DOCK3: variants seen among roughly 807,000 people sequenced by gnomAD.
The protein encoded by DOCK3 is dedicator of cytokinesis 3, also known as dedicator of cytokinesis protein 3.
In DOCK3, 60 loss-of-function variants were observed where a neutral mutation model predicts 265.6. The observed-to-expected ratio is 0.23, with a 90% CI of 0.18 to 0.28. The LOEUF (loss-of-function observed/expected upper bound fraction) is 0.28, where lower values mean the gene tolerates loss of function less well. Among genes scored for constraint, DOCK3 ranks in the 10% least tolerant of loss-of-function variants. The pLI is 1.00. For synonymous variants in DOCK3, 881 were observed against 938.0 expected (o/e 0.94, Z 1.11); for missense variants, 1,981 against 2,594.3 (o/e 0.76, Z 5.14).
intron 9 of DOCK3, among the ~76,000 whole-genome samples, chr3:51,129,085 GCTT>G (rs1308874587): frequency 4.6e-5 from 7 of 152,120 alleles, no homozygotes; most frequent in Non-Finnish European, 1.0e-4. Context: ...TTCCAATCAT[GCTT>G]CTTCCAAGTC....
intron 27 of DOCK3, among the ~76,000 whole-genome samples, chr3:51,292,682 A>C (rs2081852786): frequency 6.6e-6 from 1 of 152,114 alleles, no homozygotes; most frequent in South Asian, 2.1e-4. Flanking sequence ...AGGGGTTAAA[A>C]AATTTTTTTT....
At chr3:51,012,525 A>C (rs896659652) in intron 5 of DOCK3, among the ~76,000 whole-genome samples, 2 of 151,978 alleles carry the variant, frequency 1.3e-5, no homozygotes, top group Non-Finnish European at 2.9e-5. Context: ...GAGTGACCCA[A>C]TTTTCCAGGT....
At chr3:50,703,830 TC>T (rs1211088042) in intron 1 of DOCK3, among the ~76,000 whole-genome samples, 1 of 82,734 alleles carries the variant, frequency 1.2e-5, no homozygotes, top group African/African-American at 3.6e-5. Flanking sequence ...ATTGTTTTTT[TC>T]ATCTGTAATT....
chr3:51,246,943 A>C, intron 22 of DOCK3, 136 bp downstream of exon 22: 1 of 844,018 alleles, frequency 1.2e-6, no homozygotes, highest in South Asian at 1.8e-5. Context: ...GTCTTGATCC[A>C]CATAATTTCT....
At chr3:51,055,815 G>C (rs2081180370) in intron 5 of DOCK3, among the ~76,000 whole-genome samples, 1 of 152,112 alleles carries the variant, frequency 6.6e-6, no homozygotes, top group South Asian at 2.1e-4. Flanking sequence ...CTGCTCTGTG[G>C]AATAGAAAGA....
intron 51 of DOCK3, 114 bp from the exon 52 acceptor site, chr3:51,380,011 G>T: frequency 1.1e-6 from 1 of 917,622 alleles, no homozygotes. Flanking sequence ...CCTCAATGCT[G>T]AGGGGTCCCC....
rs1408097872 is a variant in DOCK3, at chr3:50,784,727, TC to T, written c.121+5971del. Among the ~76,000 whole-genome samples the T allele has an allele frequency of 2.0e-5, 3 of 152,256 alleles. No individual in the cohort carries two copies. In the East Asian group the frequency reaches 5.8e-4, roughly 29 times the overall value. ...GTTTTCCTTGTAGAGGTCTTTCACTTCCTTGATTAGGTATATTCGTAAGTAT... is the reference window on the plus strand; with the variant it reads ...GTTTTCCTTGTAGAGGTCTTTCACTTCTTGATTAGGTATATTCGTAAGTAT... On this transcript the variant is annotated intron_variant, in intron 2 of 52. Transcript: ENST00000266037.
intron 7 of DOCK3, among the ~76,000 whole-genome samples, chr3:51,087,006 C>T (rs905086549): frequency 6.6e-6 from 1 of 152,052 alleles, no homozygotes; most frequent in African/African-American, 2.4e-5. Context: ...AAAGAAAACC[C>T]CAGAACTGTA....
At chr3:51,072,979 A>G (rs1228825659) in intron 6 of DOCK3, among the ~76,000 whole-genome samples, 2 of 151,660 alleles carry the variant, frequency 1.3e-5, no homozygotes, top group Admixed American at 6.6e-5. Context: ...AAAGTCTGGG[A>G]TTATAGGCAT....
At chr3:50,720,002 A>G (rs1386751816) in intron 1 of DOCK3, 40 of 326,470 alleles carry the variant, frequency 1.2e-4, no homozygotes, top group Admixed American at 9.6e-4. Flanking sequence ...GATATTTTCT[A>G]TTGATCTGTC....
At chr3:50,763,498 G>A (rs2040659368) in intron 1 of DOCK3, among the ~76,000 whole-genome samples, 1 of 151,996 alleles carries the variant, frequency 6.6e-6, no homozygotes, top group Admixed American at 6.6e-5. Flanking sequence ...GGCCAGGCTG[G>A]TCTCAAACTC....
At chr3:51,069,276 A>G (rs1454422956) in intron 6 of DOCK3, among the ~76,000 whole-genome samples, 1 of 152,150 alleles carries the variant, frequency 6.6e-6, no homozygotes, top group African/African-American at 2.4e-5. Context: ...ATAGAGAATT[A>G]GTCAGTTAAT....
intron 38 of DOCK3, among the ~76,000 whole-genome samples, chr3:51,345,389 T>C (rs529407533): frequency 4.1e-4 from 62 of 152,272 alleles, no homozygotes; most frequent in Admixed American, 3.9e-3. Flanking sequence ...GGTGGTAGGA[T>C]GGCTTGAGAC....
At chr3:51,333,442 G>A (rs2084661811) in intron 35 of DOCK3, among the ~76,000 whole-genome samples, 189 bp downstream of exon 35, 2 of 152,154 alleles carry the variant, frequency 1.3e-5, no homozygotes, top group South Asian at 4.1e-4. Context: ...CCCAGGGGTA[G>A]GCTAGGGCCT....
chr3:50,894,657 C>CAAAACTACA (rs1189666748), intron 4 of DOCK3, among the ~76,000 whole-genome samples: 7 of 152,040 alleles, frequency 4.6e-5, no homozygotes, highest in Non-Finnish European at 1.0e-4. Context: ...ACTACAAAAA[C>CAAAACTACA]TTGTTAGTAG....
At chr3:50,936,728 T>G (rs9851961) in intron 5 of DOCK3, among the ~76,000 whole-genome samples, 149,050 of 152,240 alleles carry the variant, frequency 0.98, 73,053 homozygotes, top group Middle Eastern at 1. Flanking sequence ...CAAGAATGAA[T>G]GGATAATCAA....
intron 2 of DOCK3, among the ~76,000 whole-genome samples, chr3:50,798,193 C>T (rs567479889): frequency 1.3e-5 from 2 of 152,064 alleles, no homozygotes; most frequent in African/African-American, 2.4e-5. Context: ...AAAAACCATG[C>T]CAGGCAACCA....
At chr3:51,020,638 A>T (rs1195231014) in intron 5 of DOCK3, among the ~76,000 whole-genome samples, 1 of 151,822 alleles carries the variant, frequency 6.6e-6, no homozygotes, top group Non-Finnish European at 1.5e-5. Context: ...CCTTGCGTTA[A>T]TTTTTGTATA....
At chr3:51,231,331 G>A (rs2090540251) in intron 19 of DOCK3, among the ~76,000 whole-genome samples, 2 of 151,812 alleles carry the variant, frequency 1.3e-5, no homozygotes, top group East Asian at 3.9e-4. Flanking sequence ...GTTTTGCCAT[G>A]TTGGCCAGGC....
Sources: allele counts gnomAD v4.1 joint callset (sites outside exome capture counted in the v4.1 genomes callset), GRCh38; gene constraint gnomAD v4.1.1; transcripts MANE v1.5; gene names NCBI Gene and HGNC (gene_info 2026-07-23, HGNC 2026-07-21).